PRKCSH: variants seen among roughly 807,000 people sequenced by gnomAD.
PRKCSH encodes glucosidase 2 subunit beta.
In PRKCSH, 42 loss-of-function variants were observed where a neutral mutation model predicts 79.7. The observed-to-expected ratio is 0.53, with a 90% CI of 0.41 to 0.68. The LOEUF (loss-of-function observed/expected upper bound fraction) is 0.68. PRKCSH is among the 30% of genes least tolerant of loss of function. PRKCSH has a pLI of 0.00. For missense variants in PRKCSH, 686 were observed against 709.0 expected (o/e 0.97, Z 0.37); for synonymous variants, 325 against 288.2 (o/e 1.13, Z -1.29).
In PRKCSH at chr19:11,448,179, G is replaced by T. The variant is rs1306861142; in HGVS notation, c.1127-43G>T. On this transcript the variant is annotated intron_variant, in intron 12 of 17. Transcript: ENST00000677123. The surrounding 1 kb of genome is among the most constrained non-coding windows in gnomAD (Gnocchi z 4.4). The stretch of plus-strand genomic sequence containing the variant: ...ATGGAACCCCGTTCCCCATCCTCCT[G>T]GATGGGGTTGAGGACATCTCTGACC... 3.3e-6 allele frequency: 5 copies of T among 1,537,660 alleles called. No individual in the cohort carries two copies. The South Asian group carries it at 6.0e-5, about 18-fold the overall frequency.
Position 11,447,808 on chromosome 19 carries a change from C to T in PRKCSH, c.1126+19C>T, listed in dbSNP as rs1970392293. 1 of 1,547,122 alleles carries T rather than the reference C, an allele frequency of 6.5e-7. No homozygotes were observed. On this transcript the variant is annotated intron_variant, in intron 12 of 17. Transcript: ENST00000677123. This position sits in a 1 kb window ranked among gnomAD's most constrained non-coding sequence, Gnocchi z 5.6. ...ATCGATGGTGAGGGTGGGCGGGGGC[C>T]AGGCTCCTCGGGTGGGCCCAGCGTT...
intron 9 of PRKCSH, 113 bp from the exon 10 acceptor site, chr19:11,446,961 C>T: frequency 8.6e-7 from 1 of 1,165,132 alleles, no homozygotes; most frequent in Non-Finnish European, 1.3e-6. Flanking sequence ...GCCTGGTCAT[C>T]AGGGCCCGGG....
intron 9 of PRKCSH, 156 bp from the exon 10 acceptor site, chr19:11,446,918 T>G (rs1328471003): frequency 4.0e-6 from 3 of 758,326 alleles, no homozygotes; most frequent in Non-Finnish European, 7.0e-6. Flanking sequence ...TGCTGCCCCC[T>G]CCTGGCCGCA....
rs768600379 is a variant in PRKCSH at position 11,437,869 on chromosome 19, C to T, written c.197-7C>T. The T allele has an allele frequency of 1.9e-6, 3 of 1,613,830 alleles. No individual in the cohort carries two copies. Among genetic ancestry groups the T allele is most frequent in the East Asian group, 2.2e-5 (1 of 44,900 alleles). ...TCCGAAAACCTTCCCTCCCTTCTTC[C>T]TCACAGGCACGGCTGCCTGTCCTAA... is the stretch of plus-strand genomic sequence containing the variant. On this transcript the variant is annotated splice_polypyrimidine_tract_variant and splice_region_variant and intron_variant, in intron 3 of 17. Coordinates refer to ENST00000677123, the MANE Select transcript of PRKCSH (RefSeq NM_001289104.2).
At chr19:11,450,123 C>G (rs1341589621) in intron 17 of PRKCSH, 1 of 151,796 alleles carries the variant, frequency 6.6e-6, no homozygotes, top group East Asian at 1.9e-4. Flanking sequence ...GGATTACAGG[C>G]TTGAGCTACC....
In PRKCSH at chr19:11,447,301, G is replaced by T; in HGVS notation, c.850-138G>T. On this transcript the variant is annotated intron_variant, in intron 10 of 17. Transcript: ENST00000677123. The surrounding 1 kb of genome is among the most constrained non-coding windows in gnomAD (Gnocchi z 5.6). ...CCAGCACCCCCCACCGAGACCCCCC[G>T]ACCCCAGCTGTCGGTCCTCCCTGCA... The T allele has an allele frequency of 8.2e-7, 1 of 1,217,142 alleles. No homozygotes were observed. The highest frequency in any genetic ancestry group is 1.1e-6 in the Non-Finnish European group (1 of 869,798). 75.4% of individuals were successfully genotyped at this position (1,217,142 alleles called of 1,614,324 possible). A position where few individuals can be genotyped will look rare whatever the true frequency, so the allele number is the denominator to read the frequency against.
chr19:11,437,391 G>A (rs190906663), intron 3 of PRKCSH, among the ~76,000 whole-genome samples: 42 of 135,312 alleles, frequency 3.1e-4, no homozygotes, highest in Admixed American at 2.9e-3. Context: ...CACTCTTATC[G>A]CCCAGGCTGG....
chr19:11,448,754 C>T lies in PRKCSH; in HGVS notation c.1286+125C>T, dbSNP rs1970445702. ...GGGTGGGGCCCGAGAGTGCTGCCTT[C>T]CATATTGAGGGGGAGCAGAAGCCAG... On this transcript the variant is annotated intron_variant, in intron 14 of 17. Transcript: ENST00000677123. The surrounding 1 kb of genome is among the most constrained non-coding windows in gnomAD (Gnocchi z 4.4). 3.0e-6 allele frequency: 4 copies of T among 1,318,428 alleles called. No individual in the cohort carries two copies. The highest frequency in any genetic ancestry group is 2.2e-6 in the Non-Finnish European group (2 of 918,262). The allele number at this position is 1,318,428 out of a possible 1,614,324, so 81.7% of individuals were successfully genotyped here.
At position 11,436,192 on chromosome 19, in the gene PRKCSH, C is replaced by CACCAGTGA. The variant is rs1969723330; in HGVS notation, c.76_79+4dup. Reference sequence around the variant, plus strand: ...TCAAGAGGCCCCGGGGCGTCTCCCTCACCAGTGAGTCCTCCTGTTCACCCT... The same window carrying CACCAGTGA: ...TCAAGAGGCCCCGGGGCGTCTCCCTCACCAGTGAACCAGTGAGTCCTCCTGTTCACCCT... On this transcript the variant is annotated frameshift_variant, in exon 2 of 18. Transcript: ENST00000677123. LOFTEE classifies it high-confidence loss of function. 1.3e-6 allele frequency: 2 copies of CACCAGTGA among 1,588,250 alleles called. No homozygotes were observed. Among genetic ancestry groups the CACCAGTGA allele is most frequent in the Non-Finnish European group, 1.7e-6 (2 of 1,168,234 alleles).
chr19:11,443,704 C>G (rs1970169419), intron 7 of PRKCSH, among the ~76,000 whole-genome samples: 1 of 151,936 alleles, frequency 6.6e-6, no homozygotes, highest in Non-Finnish European at 1.5e-5. Flanking sequence ...AGCAATACTT[C>G]ATCTAAAAAA....
Position 11,436,036 on chromosome 19 carries a change from TGCAGCGTGAAG to T in PRKCSH, c.-77-4_-71del. On this transcript the variant is annotated splice_acceptor_variant and splice_polypyrimidine_tract_variant and 5_prime_UTR_variant and intron_variant, in exon 2 of 18. Coordinates refer to ENST00000677123, the MANE Select transcript of PRKCSH (RefSeq NM_001289104.2). LOFTEE classifies it low-confidence loss of function (5UTR_SPLICE). ...CACTGACCGGGATCCGCTTTCTTCC[TGCAGCGTGAAG>T]ACACAGCGCATCTCCCCGCTGTAGG... The T allele has an allele frequency of 6.4e-7, 1 of 1,564,708 alleles. No homozygotes were observed.
intron 2 of PRKCSH, 63 bp downstream of exon 2, chr19:11,436,259 G>T: frequency 6.3e-7 from 1 of 1,598,394 alleles, no homozygotes; most frequent in Non-Finnish European, 8.6e-7. Flanking sequence ...TTGGGCCTTA[G>T]GGATAGGCAT....
At chr19:11,437,425 C>T (rs536352186) in intron 3 of PRKCSH, among the ~76,000 whole-genome samples, 1 of 151,772 alleles carries the variant, frequency 6.6e-6, no homozygotes, top group East Asian at 1.9e-4. Flanking sequence ...GATCTTGGCT[C>T]ACTGCAGTCT....
rs1341479566 is a variant in PRKCSH at position 11,445,665 on chromosome 19, A to G, written c.683+192A>G. On this transcript the variant is annotated intron_variant, in intron 8 of 17. Transcript: ENST00000677123. ...GGTCCAGGATGCCCTGGGCGAGGAG[A>G]TAGGGGGACCACCCTCTCCCCAGGA... The G allele has an allele frequency of 6.6e-5, 43 of 654,184 alleles. No homozygotes were observed. In the East Asian group the frequency reaches 9.4e-4, roughly 14 times the overall value. The allele number at this position is 654,184 out of a possible 1,614,324, so 40.5% of individuals were successfully genotyped here.
chr19:11,447,726 G>A lies in PRKCSH; in HGVS notation c.1063G>A (p.Ala355Thr), dbSNP rs868821428. The A allele has an allele frequency of 1.3e-6, 2 of 1,592,304 alleles. No homozygotes were observed. The highest frequency in any genetic ancestry group is 2.3e-5 in the East Asian group (1 of 44,052). The change falls in exon 12 of 18, where the codon GCC becomes ACC. Residue 355 changes from alanine (A) to threonine (T), a missense_variant. This residue lies in a region of PRKCSH where 549 missense variants were observed against 520.2 expected (regional missense o/e 1.06). Transcript: ENST00000677123. The surrounding 1 kb of genome is among the most constrained non-coding windows in gnomAD (Gnocchi z 5.6). ...APPPLSPPQP[A>T]SPAEEDKMPP... ...ACCGCCACTGTCACCCCCGCAGCCGGCCAGCCCTGCTGAGGAAGACAAAAT... is the reference window on the plus strand; with the variant it reads ...ACCGCCACTGTCACCCCCGCAGCCGACCAGCCCTGCTGAGGAAGACAAAAT...
chr19:11,448,704 T>G lies in PRKCSH; in HGVS notation c.1286+75T>G, dbSNP rs1231961819. 13 of 1,465,522 alleles carry G rather than the reference T, an allele frequency of 8.9e-6. No individual in the cohort carries two copies. Among genetic ancestry groups the G allele is most frequent in the Non-Finnish European group, 1.2e-5 (13 of 1,046,584 alleles). 90.8% of individuals were successfully genotyped at this position (1,465,522 alleles called of 1,614,324 possible). A position where few individuals can be genotyped will look rare whatever the true frequency, so the allele number is the denominator to read the frequency against. On this transcript the variant is annotated intron_variant, in intron 14 of 17. Transcript: ENST00000677123. The surrounding 1 kb of genome is among the most constrained non-coding windows in gnomAD (Gnocchi z 4.4). ...GGCCCCGGAAGTGGCACCGGCAGTTTCCTGATGGTTGGGGAACCATCTGCG... is the reference window on the plus strand; with the variant it reads ...GGCCCCGGAAGTGGCACCGGCAGTTGCCTGATGGTTGGGGAACCATCTGCG...
Position 11,436,442 on chromosome 19 carries a change from A to T in PRKCSH, c.133A>T (p.Thr45Ser). The T allele has an allele frequency of 4.3e-6, 7 of 1,614,188 alleles. No homozygotes were observed. Among genetic ancestry groups the T allele is most frequent in the African/African-American group, 1.3e-5 (1 of 75,050 alleles). The change falls in exon 3 of 18, where the codon ACC (threonine) becomes TCC (serine). Residue 45 changes from threonine to serine, a missense_variant. By Grantham distance (58) the Thr-to-Ser change is moderately conservative (BLOSUM62 1). Coordinates refer to ENST00000677123, the MANE Select transcript of PRKCSH (RefSeq NM_001289104.2). The stretch of plus-strand genomic sequence containing the variant: ...TTTCACCTGCCTGGACGGTTCGGCC[A>T]CCATCCCATTTGATCAGGTCAACGA... ...KPFTCLDGSA[T>S]IPFDQVNDDY...
chr19:11,441,442 C>A, intron 6 of PRKCSH, 85 bp downstream of exon 6: 2 of 1,255,768 alleles, frequency 1.6e-6, no homozygotes, highest in Non-Finnish European at 2.3e-6. Flanking sequence ...GAGGGGTTTG[C>A]CCCTGACTGC....
chr19:11,438,898 G>T (rs145166285), intron 5 of PRKCSH, among the ~76,000 whole-genome samples: 4 of 151,654 alleles, frequency 2.6e-5, no homozygotes, highest in African/African-American at 9.7e-5. Context: ...TAGGCATGAT[G>T]ATTTATTTTT....
Sources: gnomAD v4.1 joint callset for allele counts (sites outside exome capture counted in the v4.1 genomes callset) on GRCh38, gnomAD v4.1.1 for gene constraint, gnomAD v4.1.1 regional missense constraint, Gnocchi (gnomAD v3.1) non-coding constraint, MANE v1.5 for transcripts, NCBI Gene and HGNC (gene_info 2026-07-23, HGNC 2026-07-21) for gene names.